The following IGSF11 variants were observed in gnomAD, a reference collection of about 807,000 sequenced individuals.
The protein encoded by IGSF11 is immunoglobulin superfamily member 11.
In IGSF11, 22 loss-of-function variants were observed where a neutral mutation model predicts 41.0. The observed-to-expected ratio is 0.54, with a 90% CI of 0.38 to 0.77. The LOEUF (loss-of-function observed/expected upper bound fraction) is 0.77, where lower values mean the gene tolerates loss of function less well. Among genes scored for constraint, IGSF11 ranks in the 30% least tolerant of loss-of-function variants. The probability of loss-of-function intolerance (pLI) is 0.00; values close to 1 mark genes in which losing one functional copy is unlikely to be tolerated. For missense variants in IGSF11, 444 were observed against 530.8 expected, an observed-to-expected ratio of 0.84 and a Z score of 1.61; for synonymous variants, 219 against 201.3, an observed-to-expected ratio of 1.09 and a Z score of -0.74.
chr3:118,930,296 A>G (rs1406530046), intron 1 of IGSF11, 21 bp from the exon 2 acceptor site: 1 of 1,602,190 alleles, frequency 6.2e-7, no homozygotes, highest in African/African-American at 1.3e-5. Context: ...AGGAACAGGG[A>G]GGTTATATGC....
intron 1 of IGSF11, among the ~76,000 whole-genome samples, chr3:119,001,807 T>A (rs1936909614): frequency 4.1e-5 from 6 of 145,196 alleles, no homozygotes. Context: ...GAACTCATCA[T>A]TTTTTATGGC....
intron 1 of IGSF11, among the ~76,000 whole-genome samples, chr3:119,119,830 G>A (rs999858934): frequency 6.6e-6 from 1 of 152,152 alleles, no homozygotes; most frequent in African/African-American, 2.4e-5. Flanking sequence ...CATTACAACT[G>A]CCTAAGGCTA....
chr3:119,024,490 A>C (rs1203628165), intron 1 of IGSF11, among the ~76,000 whole-genome samples: 2 of 152,142 alleles, frequency 1.3e-5, no homozygotes, highest in Admixed American at 6.5e-5. Context: ...AATTCTATCC[A>C]TTTTAGAGAC....
At chr3:119,108,069 G>T (rs1246070485), upstream of IGSF11, among the ~76,000 whole-genome samples, 5 of 151,258 alleles carry the variant, frequency 3.3e-5, no homozygotes, top group African/African-American at 1.2e-4. Context: ...TTGGCAATGC[G>T]GGCTCTTTTT....
intron 1 of IGSF11, among the ~76,000 whole-genome samples, chr3:119,096,338 C>T (rs1479644145): frequency 6.6e-6 from 1 of 151,746 alleles, no homozygotes; most frequent in Admixed American, 6.6e-5. Flanking sequence ...TACACACACA[C>T]ATATACATAC....
At chr3:118,942,265 G>T (rs2107560521) in intron 1 of IGSF11, among the ~76,000 whole-genome samples, 1 of 152,222 alleles carries the variant, frequency 6.6e-6, no homozygotes, top group Middle Eastern at 3.4e-3. Context: ...TGTAAAACTG[G>T]CTTAAGAAAA....
chr3:119,101,511 C>G (rs1378610650), intron 1 of IGSF11, among the ~76,000 whole-genome samples: 1 of 151,512 alleles, frequency 6.6e-6, no homozygotes, highest in Admixed American at 6.6e-5. Flanking sequence ...AACACCATCT[C>G]AAAAAACAAA....
intron 1 of IGSF11, among the ~76,000 whole-genome samples, chr3:118,931,141 A>G (rs977535494): frequency 6.6e-6 from 1 of 152,230 alleles, no homozygotes; most frequent in Non-Finnish European, 1.5e-5. Flanking sequence ...TCTTTTCAAC[A>G]AATGGTGCTG....
chr3:119,012,197 C>T (rs978176610), intron 1 of IGSF11, among the ~76,000 whole-genome samples: 2 of 152,034 alleles, frequency 1.3e-5, no homozygotes, highest in Non-Finnish European at 2.9e-5. Flanking sequence ...AAGAGATTGC[C>T]AGAGATTCTT....
intron 1 of IGSF11, among the ~76,000 whole-genome samples, chr3:118,940,319 T>C (rs2107555629): frequency 6.6e-6 from 1 of 152,268 alleles, no homozygotes; most frequent in East Asian, 1.9e-4. Flanking sequence ...TTCTAATAAA[T>C]GAGTTTAGCA....
rs377746200 is a variant in IGSF11 at position 119,097,957 on chromosome 3, ATTTTT to A, written c.49+7182_49+7186del. Reference sequence around the variant, plus strand: ...AGGCACATGCCACCACATTCAGCTAATTTTTTTTTTTTTTTTTTTTTTTTTTTTTA... The same window carrying A: ...AGGCACATGCCACCACATTCAGCTAATTTTTTTTTTTTTTTTTTTTTTTTA... On this transcript the variant is annotated intron_variant, in intron 1 of 6. Coordinates refer to the IGSF11 transcript ENST00000354673. Among the ~76,000 whole-genome samples the A allele has an allele frequency of 3.3e-4, 19 of 58,362 alleles. No individual in the cohort carries two copies. In the East Asian group the frequency reaches 7.1e-3, roughly 22 times the overall value. The allele number at this position is 58,362 out of a possible 152,430, so 38.3% of individuals were successfully genotyped here.
At chr3:119,087,397 CACACAT>C (rs1480064196) in intron 1 of IGSF11, among the ~76,000 whole-genome samples, 37 of 149,546 alleles carry the variant, frequency 2.5e-4, no homozygotes, top group East Asian at 2.2e-3. Context: ...CACACACACA[CACACAT>C]ACACACACAC....
At position 119,018,504 on chromosome 3, in the gene IGSF11, C is replaced by T. The variant is rs367784638; in HGVS notation, c.52+16027G>A. On this transcript the variant is annotated intron_variant, in intron 1 of 6. Transcript: ENST00000393775. Reference sequence around the variant, plus strand: ...ACTTACTGATCACTTAAGCCTGACACAGTATTAGGCACTTTATTATTTTTA... The same window carrying T: ...ACTTACTGATCACTTAAGCCTGACATAGTATTAGGCACTTTATTATTTTTA... 3.3e-5 allele frequency among the ~76,000 whole-genome samples: 5 copies of T among 152,146 alleles called. No individual in the cohort carries two copies. In the East Asian group the frequency reaches 5.8e-4, roughly 18 times the overall value.
At chr3:118,973,202 TAGCACATGCCA>T (rs1050399084) in intron 1 of IGSF11, among the ~76,000 whole-genome samples, 11 of 152,246 alleles carry the variant, frequency 7.2e-5, no homozygotes, top group African/African-American at 2.6e-4. Flanking sequence ...TCTTGCCCAT[TAGCACATGCCA>T]AGCTCAGCAG....
At chr3:118,958,025 G>A (rs1392852366) in intron 1 of IGSF11, among the ~76,000 whole-genome samples, 3 of 152,086 alleles carry the variant, frequency 2.0e-5, no homozygotes, top group African/African-American at 7.2e-5. Flanking sequence ...TAAAATCAAA[G>A]GTGCTAAAAT....
Position 119,000,677 on chromosome 3 carries a change from G to A in IGSF11, c.52+33854C>T, listed in dbSNP as rs562887225. Among the ~76,000 whole-genome samples the A allele has an allele frequency of 7.9e-5, 12 of 152,150 alleles. No individual in the cohort carries two copies. In the South Asian group the frequency reaches 2.3e-3, roughly 29 times the overall value. Reference sequence around the variant, plus strand: ...ATTTCTCATCTGAATTATTCCAGTAGTGTGTCCTCTTAATCAGGATGATAA... The same window carrying A: ...ATTTCTCATCTGAATTATTCCAGTAATGTGTCCTCTTAATCAGGATGATAA... On this transcript the variant is annotated intron_variant, in intron 1 of 6. Transcript: ENST00000393775.
chr3:119,105,771 CCCATAT>C (rs2077012858), upstream of IGSF11, among the ~76,000 whole-genome samples: 1 of 152,152 alleles, frequency 6.6e-6, no homozygotes, highest in Non-Finnish European at 1.5e-5. Context: ...ACTCCCAATG[CCCATAT>C]CCAGGTCTTT....
At chr3:118,949,520 C>G (rs1944421138) in intron 1 of IGSF11, among the ~76,000 whole-genome samples, 1 of 152,134 alleles carries the variant, frequency 6.6e-6, no homozygotes, top group South Asian at 2.1e-4. Context: ...TTGTTAACAT[C>G]TAAGAGGCTT....
intron 1 of IGSF11, among the ~76,000 whole-genome samples, chr3:118,983,780 A>T (rs1461825019): frequency 6.6e-6 from 1 of 152,246 alleles, no homozygotes; most frequent in Non-Finnish European, 1.5e-5. Flanking sequence ...TTAGTTATTC[A>T]ATATAGACAT....
Sources: allele counts gnomAD v4.1 joint callset (sites outside exome capture counted in the v4.1 genomes callset), GRCh38; gene constraint gnomAD v4.1.1; transcripts MANE v1.5; gene names NCBI Gene and HGNC (gene_info 2026-07-23, HGNC 2026-07-21).